Variants in PIEZO2 observed in about 807,000 individuals in gnomAD.
PIEZO2 encodes piezo type mechanosensitive ion channel component 2, also known as piezo-type mechanosensitive ion channel component 2.
In PIEZO2, 172 loss-of-function variants were observed where a neutral mutation model predicts 337.3. The ratio of observed to expected loss-of-function variants is 0.51; its 90% CI spans 0.45 to 0.58. PIEZO2 has a LOEUF of 0.58. Ranked by LOEUF, PIEZO2 falls within the 20% of genes least tolerant of loss-of-function variation. The probability of loss-of-function intolerance (pLI) is 0.00; values close to 1 mark genes in which losing one functional copy is unlikely to be tolerated. For synonymous variants in PIEZO2, 1,251 were observed against 1,228.5 expected, an observed-to-expected ratio of 1.02 and a Z score of -0.38; for missense variants, 3,028 against 3,391.3, an observed-to-expected ratio of 0.89 and a Z score of 2.66.
At chr18:10,831,470 A>G (rs1005661436) in intron 7 of PIEZO2, among the ~76,000 whole-genome samples, 1 of 152,226 alleles carries the variant, frequency 6.6e-6, no homozygotes, top group African/African-American at 2.4e-5. Flanking sequence ...GAGGCTAAAA[A>G]TTTTAAAAAC....
rs2041601383 is a variant in PIEZO2, at chr18:10,853,033, G to A, written c.917+2320C>T. Among the ~76,000 whole-genome samples, 3 of 152,232 alleles carry A rather than the reference G, an allele frequency of 2.0e-5. No homozygotes were observed. The highest frequency in any genetic ancestry group is 2.0e-4 in the Admixed American group (3 of 15,286). ...AAGACTTCAGGAGTTGGGTGAGTGG[G>A]CTCAAGCATGTGCAGTAAGAGGTAA... is the stretch of plus-strand genomic sequence containing the variant. On this transcript the variant is annotated intron_variant, in intron 7 of 55. Coordinates refer to ENST00000674853, the MANE Select transcript of PIEZO2 (RefSeq NM_001378183.1). This position sits in a 1 kb window ranked among gnomAD's most constrained non-coding sequence, Gnocchi z 4.2.
At chr18:11,013,816 A>G (rs2035987369) in intron 2 of PIEZO2, among the ~76,000 whole-genome samples, 1 of 152,222 alleles carries the variant, frequency 6.6e-6, no homozygotes, top group Non-Finnish European at 1.5e-5. Context: ...TGCCCATTAC[A>G]GAGGCTTTTA....
At chr18:10,914,594 A>C (rs2030780224) in intron 3 of PIEZO2, among the ~76,000 whole-genome samples, 2 of 152,130 alleles carry the variant, frequency 1.3e-5, no homozygotes, top group South Asian at 2.1e-4. Flanking sequence ...TTTTCAAATA[A>C]GCTTTTTCAA....
chr18:10,935,273 G>C (rs112796560), intron 3 of PIEZO2, among the ~76,000 whole-genome samples: 51 of 152,222 alleles, frequency 3.4e-4, no homozygotes, highest in African/African-American at 1.2e-3. Context: ...AGAAAGATTT[G>C]CTTGCCTGGA....
rs957124736 is a variant in PIEZO2, at chr18:10,767,447, G to A, written c.2946+2701C>T. 6.6e-6 allele frequency among the ~76,000 whole-genome samples: 1 copy of A among 152,078 alleles called. No individual in the cohort carries two copies. Among genetic ancestry groups the A allele is most frequent in the African/African-American group, 2.4e-5 (1 of 41,400 alleles). On this transcript the variant is annotated intron_variant, in intron 21 of 55. Transcript: ENST00000674853. This position sits in a 1 kb window ranked among gnomAD's most constrained non-coding sequence, Gnocchi z 4.2. ...CCACAGCTCCTGAAGAGCTTTCTTT[G>A]TGGAGAGGGGCTGCATCCTGCCTGT...
chr18:10,930,413 T>C (rs2032008042), intron 3 of PIEZO2, among the ~76,000 whole-genome samples: 1 of 152,220 alleles, frequency 6.6e-6, no homozygotes, highest in South Asian at 2.1e-4. Flanking sequence ...CAGGAAATCT[T>C]TAAATCCACC....
intron 44 of PIEZO2, among the ~76,000 whole-genome samples, chr18:10,698,273 C>T (rs1473310124): frequency 6.6e-6 from 1 of 152,166 alleles, no homozygotes; most frequent in Admixed American, 6.5e-5. Flanking sequence ...AAAGCAGGTT[C>T]TGAAGATGAC....
chr18:11,086,696 G>A (rs1429911661), intron 1 of PIEZO2, among the ~76,000 whole-genome samples: 1 of 151,740 alleles, frequency 6.6e-6, no homozygotes, highest in East Asian at 1.9e-4. Flanking sequence ...TTGTGATAAT[G>A]GATCCCTGCT....
At position 11,035,332 on chromosome 18, in the gene PIEZO2, TCTTTCTC is replaced by T. The variant is rs2036892435; in HGVS notation, c.160+30788_160+30794del. On this transcript the variant is annotated intron_variant, in intron 2 of 55. Coordinates refer to ENST00000674853, the MANE Select transcript of PIEZO2 (RefSeq NM_001378183.1). The surrounding 1 kb of genome is among the most constrained non-coding windows in gnomAD (Gnocchi z 4.3). The stretch of plus-strand genomic sequence containing the variant: ...CTCTCTCCCTCTCTCTCTCTCTCTC[TCTTTCTC>T]TCTCTCTCATTCCCTCTCTCACCAT... Among the ~76,000 whole-genome samples, 1 of 151,108 alleles carries T rather than the reference TCTTTCTC, an allele frequency of 6.6e-6. No homozygotes were observed. The highest frequency in any genetic ancestry group is 2.4e-5 in the African/African-American group (1 of 40,910).
intron 2 of PIEZO2, among the ~76,000 whole-genome samples, chr18:11,065,667 C>G (rs1346042803): frequency 6.6e-6 from 1 of 152,126 alleles, no homozygotes; most frequent in South Asian, 2.1e-4. Flanking sequence ...AACTAATGTA[C>G]GAAGTTATGG....
intron 2 of PIEZO2, among the ~76,000 whole-genome samples, chr18:11,061,207 C>T (rs906654789): frequency 1.3e-5 from 2 of 151,290 alleles, no homozygotes; most frequent in South Asian, 2.1e-4. Context: ...ATTCAACAAC[C>T]CTTCATGCTA....
At chr18:10,844,788 CAA>C (rs10709952) in intron 7 of PIEZO2, among the ~76,000 whole-genome samples, 38 of 116,690 alleles carry the variant, frequency 3.3e-4, no homozygotes, top group East Asian at 7.1e-4. Context: ...GACTCTGTCT[CAA>C]AAAAAAAAAA....
intron 2 of PIEZO2, among the ~76,000 whole-genome samples, chr18:11,018,368 G>A (rs2036195181): frequency 7.2e-6 from 1 of 139,692 alleles, no homozygotes; most frequent in Non-Finnish European, 1.5e-5. Flanking sequence ...TGGGGGTTAG[G>A]ACTCCCAACA....
Position 10,724,812 on chromosome 18 carries a change from G to T in PIEZO2, c.5030-6553C>A. ...TGCAGCCCCAGCCTGAGCAGCAGTC[G>T]TTCTCACAGATGCACCTGGGCCACG... is the stretch of plus-strand genomic sequence containing the variant. On this transcript the variant is annotated intron_variant, in intron 36 of 55. Coordinates refer to ENST00000674853, the MANE Select transcript of PIEZO2 (RefSeq NM_001378183.1). The surrounding 1 kb of genome is among the most constrained non-coding windows in gnomAD (Gnocchi z 5.8). The T allele has an allele frequency of 1.3e-6, 2 of 1,592,244 alleles. No individual in the cohort carries two copies. Among genetic ancestry groups the T allele is most frequent in the East Asian group, 2.3e-5 (1 of 44,444 alleles).
chr18:10,745,020 C>T (rs545768851), intron 30 of PIEZO2, among the ~76,000 whole-genome samples: 14 of 151,858 alleles, frequency 9.2e-5, no homozygotes, highest in African/African-American at 2.2e-4. Flanking sequence ...AACTCTGCTA[C>T]GCTTTTCTCA....
chr18:10,941,262 T>A (rs2032710475), intron 3 of PIEZO2, among the ~76,000 whole-genome samples: 1 of 152,152 alleles, frequency 6.6e-6, no homozygotes. Context: ...AAAACTAAGT[T>A]AATAGCAGGC....
At chr18:11,059,721 T>C (rs1219757092) in intron 2 of PIEZO2, among the ~76,000 whole-genome samples, 5 of 152,154 alleles carry the variant, frequency 3.3e-5, no homozygotes, top group Admixed American at 2.0e-4. Flanking sequence ...CCTAAATATA[T>C]ATGCACCCAA....
At chr18:10,964,160 CATTAATTAAAGTGATTA>C (rs1295476951) in intron 3 of PIEZO2, among the ~76,000 whole-genome samples, 2 of 152,136 alleles carry the variant, frequency 1.3e-5, no homozygotes, top group African/African-American at 2.4e-5. Flanking sequence ...ATAATTTCCA[CATTAATTAAAGTGATTA>C]ATTAATTAAA....
At chr18:10,889,551 TCA>T (rs2042698979) in intron 4 of PIEZO2, among the ~76,000 whole-genome samples, 2 of 152,200 alleles carry the variant, frequency 1.3e-5, no homozygotes, top group Non-Finnish European at 2.9e-5. Context: ...TACAGTAACC[TCA>T]TAGGTGCTGG....
Sources: allele counts gnomAD v4.1 joint callset (sites outside exome capture counted in the v4.1 genomes callset), GRCh38; gene constraint gnomAD v4.1.1; non-coding constraint Gnocchi (gnomAD v3.1); transcripts MANE v1.5; gene names NCBI Gene and HGNC (gene_info 2026-07-23, HGNC 2026-07-21).